ACSM2B: variants seen among roughly 807,000 people sequenced by gnomAD.
ACSM2B encodes acyl-CoA synthetase medium chain family member 2B.
In ACSM2B, 58 loss-of-function variants were observed where a neutral mutation model predicts 78.6. The ratio of observed to expected loss-of-function variants is 0.74; its 90% CI spans 0.60 to 0.92. The LOEUF is 0.92. Among genes scored for constraint, ACSM2B ranks in the 40% least tolerant of loss-of-function variants. The pLI is 0.00. For missense variants in ACSM2B, 688 were observed against 711.2 expected (o/e 0.97, Z 0.37); for synonymous variants, 257 against 256.8 (o/e 1.00, Z -0.01).
Position 20,557,947 on chromosome 16 carries a change from A to C in ACSM2B, c.388+1290T>G, listed in dbSNP as rs545038683. Among the ~76,000 whole-genome samples the C allele has an allele frequency of 3.3e-5, 5 of 152,300 alleles. No homozygotes were observed. In the East Asian group the frequency reaches 9.6e-4, roughly 29 times the overall value. ...CCAAGCTAACTATGGCAGAAATCTA[A>C]CTTATAGTCTAACTTTAAAACAAAA... On this transcript the variant is annotated intron_variant, in intron 3 of 13. Transcript: ENST00000329697.
chr16:20,564,184 C>T (rs1292793263), intron 2 of ACSM2B, among the ~76,000 whole-genome samples: 1 of 152,080 alleles, frequency 6.6e-6, no homozygotes, highest in African/African-American at 2.4e-5. Flanking sequence ...GCCTCCAACT[C>T]CTGGGCTCAA....
chr16:20,556,662 C>A (rs1365067854), intron 3 of ACSM2B, among the ~76,000 whole-genome samples: 1 of 152,150 alleles, frequency 6.6e-6, no homozygotes, highest in Non-Finnish European at 1.5e-5. Flanking sequence ...ATTTGTGAAG[C>A]TTAAACCACA....
At chr16:20,546,267 T>A in intron 9 of ACSM2B, 127 bp downstream of exon 9, 1 of 1,438,980 alleles carries the variant, frequency 6.9e-7, no homozygotes, top group Non-Finnish European at 9.2e-7. Context: ...CCTCCGTCCC[T>A]TTTTTCTGAT....
chr16:20,557,432 T>C (rs1455666645), intron 3 of ACSM2B, among the ~76,000 whole-genome samples: 3 of 142,810 alleles, frequency 2.1e-5, no homozygotes, highest in African/African-American at 4.9e-5. Context: ...TTAAATCCAC[T>C]TATCTCCATC....
At chr16:20,566,171 A>C (rs992378180) in intron 1 of ACSM2B, among the ~76,000 whole-genome samples, 69 of 141,482 alleles carry the variant, frequency 4.9e-4, no homozygotes, top group Non-Finnish European at 8.4e-4. Flanking sequence ...TATGTAATAA[A>C]CGTCACACTC....
chr16:20,540,533 A>C (rs28750179), intron 13 of ACSM2B, 121 bp downstream of exon 13: 1 of 1,492,946 alleles, frequency 6.7e-7, no homozygotes. Context: ...GTCAGCCACC[A>C]TGTCCGGCCC....
In ACSM2B at chr16:20,550,664, G is replaced by A. The variant is rs371340853; in HGVS notation, c.894+1480C>T. Among the ~76,000 whole-genome samples the A allele has an allele frequency of 1.1e-3, 175 of 152,290 alleles. 5 individuals are homozygous for A. The South Asian group carries it at 0.035, about 31-fold the overall frequency. On this transcript the variant is annotated intron_variant, in intron 6 of 13. Coordinates refer to ENST00000329697, the MANE Select transcript of ACSM2B (RefSeq NM_001105069.2). Reference sequence around the variant, plus strand: ...GAAGACGTCATCTATGCCTTAGCTTGAACCTTTGCTGCAGCCAAATAGATG... The same window carrying A: ...GAAGACGTCATCTATGCCTTAGCTTAAACCTTTGCTGCAGCCAAATAGATG...
chr16:20,554,289 G>A, intron 4 of ACSM2B: 1 of 402,534 alleles, frequency 2.5e-6, no homozygotes, highest in South Asian at 1.9e-5. Context: ...TCTAATTGTT[G>A]TGAAGAGCCC....
intron 6 of ACSM2B, among the ~76,000 whole-genome samples, chr16:20,549,374 A>G (rs1596712884): frequency 6.6e-6 from 1 of 152,086 alleles, no homozygotes; most frequent in Admixed American, 6.6e-5. Context: ...CTTCTTGCTG[A>G]TGGGGACTCT....
intron 4 of ACSM2B, 102 bp downstream of exon 4, chr16:20,555,167 T>C: frequency 1.3e-6 from 2 of 1,559,964 alleles, no homozygotes; most frequent in East Asian, 2.3e-5. Flanking sequence ...CCTAGTCCCA[T>C]GCTGTTCTTC....
intron 5 of ACSM2B, 52 bp downstream of exon 5, chr16:20,553,725 G>A (rs562929917): frequency 8.5e-5 from 134 of 1,584,972 alleles, no homozygotes; most frequent in African/African-American, 1.5e-4. Context: ...ACTCAGAAAC[G>A]TCTTCATGCC....
chr16:20,543,727 C>G (rs1749522763), intron 10 of ACSM2B, among the ~76,000 whole-genome samples: 1 of 152,124 alleles, frequency 6.6e-6, no homozygotes, highest in African/African-American at 2.4e-5. Context: ...TCTACAATAG[C>G]TGGGTCCCTC....
chr16:20,569,237 TG>T (rs1029163321), intron 1 of ACSM2B, among the ~76,000 whole-genome samples: 1 of 152,024 alleles, frequency 6.6e-6, no homozygotes, highest in Admixed American at 6.6e-5. Flanking sequence ...AGGTGGTTTT[TG>T]TATAAGGTGA....
rs541283551 is a variant in ACSM2B at position 20,563,725 on chromosome 16, A to G, written c.177+944T>C. On this transcript the variant is annotated intron_variant, in intron 2 of 13. Transcript: ENST00000329697. ...GCAAGGCATTTGCAATCTCCACACT[A>G]AGACTGTTTCATAGTGTAGGGAACT... Among the ~76,000 whole-genome samples, 6 of 151,726 alleles carry G rather than the reference A, an allele frequency of 4.0e-5. No homozygotes were observed. The South Asian group carries it at 1.2e-3, about 32-fold the overall frequency.
chr16:20,554,932 C>A (rs146381330), intron 4 of ACSM2B, among the ~76,000 whole-genome samples: 1 of 152,164 alleles, frequency 6.6e-6, no homozygotes, highest in Non-Finnish European at 1.5e-5. Flanking sequence ...CGCATGAGTG[C>A]GCAGCCCAGA....
intron 2 of ACSM2B, among the ~76,000 whole-genome samples, chr16:20,563,756 C>T (rs1326022768): frequency 6.6e-6 from 1 of 151,756 alleles, no homozygotes; most frequent in East Asian, 1.9e-4. Context: ...GAACTTAGGA[C>T]ATCATGTCAT....
intron 6 of ACSM2B, among the ~76,000 whole-genome samples, chr16:20,550,474 G>A (rs564538246): frequency 6.6e-6 from 1 of 151,984 alleles, no homozygotes; most frequent in South Asian, 2.1e-4. Flanking sequence ...GGCTTTATAA[G>A]TTTATGTCTG....
intron 1 of ACSM2B, among the ~76,000 whole-genome samples, chr16:20,569,237 T>C (rs759704559): frequency 3.9e-4 from 60 of 152,024 alleles, no homozygotes; most frequent in Non-Finnish European, 6.8e-4. Flanking sequence ...AGGTGGTTTT[T>C]GTATAAGGTG....
rs2015769415 is a variant in ACSM2B, at chr16:20,564,768, A to G, written c.78T>C (p.Asn26=). ...TQMSSRTLYI[N]SRQLVSLQWG... ...ACTGCAGGGACACCAGTTGCCTACT[A>G]TTAATGTAGAGAGTGCGGCTGGACA... The change falls in exon 2 of 14, where the codon AAT becomes AAC. Residue 26 remains asparagine (N), a synonymous_variant. Transcript: ENST00000329697. 1 of 1,613,334 alleles carries G rather than the reference A, an allele frequency of 6.2e-7. No individual in the cohort carries two copies. The highest frequency in any genetic ancestry group is 8.5e-7 in the Non-Finnish European group (1 of 1,179,688).
Sources: allele counts gnomAD v4.1 joint callset (sites outside exome capture counted in the v4.1 genomes callset), GRCh38; gene constraint gnomAD v4.1.1; transcripts MANE v1.5; gene names NCBI Gene and HGNC (gene_info 2026-07-23, HGNC 2026-07-21).